Variants in SOX7 observed in about 807,000 individuals in gnomAD.
SOX7 encodes SRY-box transcription factor 7.
In SOX7, 19 loss-of-function variants were observed where a neutral mutation model predicts 24.9. The observed-to-expected ratio is 0.76, with a 90% CI of 0.53 to 1.12. The LOEUF (loss-of-function observed/expected upper bound fraction) is 1.12, where lower values mean the gene tolerates loss of function less well. Among genes scored for constraint, SOX7 ranks in the 50% most tolerant of loss-of-function variants. The pLI is 0.00. For missense variants in SOX7, 702 were observed against 535.0 expected (o/e 1.31, Z -3.08); for synonymous variants, 327 against 244.5 (o/e 1.34, Z -3.15).
In SOX7 at chr8:10,726,585, T is replaced by C. The variant is rs534943217; in HGVS notation, c.320A>G (p.Gln107Arg). ...EAERLRLQHM[Q>R]DYPNYKYRPR... The stretch of plus-strand genomic sequence containing the variant: ...CCGGTACTTGTAGTTGGGGTAGTCC[T>C]GCATGTGCTGCAGGCGCAGCCGCTC... Residue 107 changes from glutamine to arginine, a missense_variant, in exon 2 of 2, where the codon CAG (glutamine) becomes CGG (arginine). Gln to Arg is a conservative substitution (Grantham distance 43). Coordinates refer to ENST00000304501, the MANE Select transcript of SOX7 (RefSeq NM_031439.4). The C allele has an allele frequency of 2.5e-6, 4 of 1,610,434 alleles. No individual in the cohort carries two copies. In the East Asian group the frequency reaches 6.7e-5, roughly 27 times the overall value.
At position 10,725,265 on chromosome 8, in the gene SOX7, T is replaced by C. The variant is rs1800118097; in HGVS notation, c.*473A>G. 1 of 172,706 alleles carries C rather than the reference T, an allele frequency of 5.8e-6. No individual in the cohort carries two copies. Among genetic ancestry groups the C allele is most frequent in the Non-Finnish European group, 1.2e-5 (1 of 80,126 alleles). The allele number at this position is 172,706 out of a possible 1,614,324, so 10.7% of individuals were successfully genotyped here. A position where few individuals can be genotyped will look rare whatever the true frequency, so the allele number is the denominator to read the frequency against. On this transcript the variant is annotated 3_prime_UTR_variant, in exon 2 of 2. Transcript: ENST00000304501. ...GCAGAAAGTGCAGAAAGCCTCGTGG[T>C]CCTTGGGCTGTGCACACAAAATTAT...
Position 10,730,126 on chromosome 8 carries a change from C to A in SOX7, c.238+70G>T. On this transcript the variant is annotated intron_variant, in intron 1 of 1. Transcript: ENST00000304501. The surrounding 1 kb of genome is among the most constrained non-coding windows in gnomAD (Gnocchi z 4.8). Reference sequence around the variant, plus strand: ...TCCCCAGGCTCCGCGCTCGCACCCGCCCTGCAGTGCCGCCAGCCGCCCGCC... The same window carrying A: ...TCCCCAGGCTCCGCGCTCGCACCCGACCTGCAGTGCCGCCAGCCGCCCGCC... 1 of 1,209,414 alleles carries A rather than the reference C, an allele frequency of 8.3e-7. No individual in the cohort carries two copies. Among genetic ancestry groups the A allele is most frequent in the Non-Finnish European group, 1.1e-6 (1 of 936,004 alleles). 74.9% of individuals were successfully genotyped at this position (1,209,414 alleles called of 1,614,324 possible). A position where few individuals can be genotyped will look rare whatever the true frequency, so the allele number is the denominator to read the frequency against.
At chr8:10,726,859 T>A (rs1167317370) in intron 1 of SOX7, among the ~76,000 whole-genome samples, 193 bp from the exon 2 acceptor site, 2 of 152,096 alleles carry the variant, frequency 1.3e-5, no homozygotes, top group Non-Finnish European at 2.9e-5. Flanking sequence ...AATCAACCCC[T>A]CTGCTTGCAT....
At position 10,726,340 on chromosome 8, in the gene SOX7, C is replaced by A; in HGVS notation, c.565G>T (p.Gly189Cys). ...TACGTGTCCACACTGCTCGGGGTGC[C>A]GCCGCCGCCACCACCAGCCGGCCCC... ...HEGPAGGGGG[G>C]TPSSVDTYPY... Residue 189 changes from glycine (G) to cysteine (C), a missense_variant, in exon 2 of 2, where the codon GGC becomes TGC. By Grantham distance (159) the Gly-to-Cys change is radical (BLOSUM62 -3). Transcript: ENST00000304501. 1.9e-6 allele frequency: 3 copies of A among 1,612,102 alleles called. No homozygotes were observed. Among genetic ancestry groups the A allele is most frequent in the Non-Finnish European group, 2.5e-6 (3 of 1,179,526 alleles).
chr8:10,730,494 G>T lies in SOX7; in HGVS notation c.-61C>A, dbSNP rs1170285523. On this transcript the variant is annotated 5_prime_UTR_variant, in exon 1 of 2. Coordinates refer to ENST00000304501, the MANE Select transcript of SOX7 (RefSeq NM_031439.4). The surrounding 1 kb of genome is among the most constrained non-coding windows in gnomAD (Gnocchi z 4.8). ...GCAGGCGCGGACCTGGCCCTCGCAC[G>T]GGTCGGGGCGTCCAACTTGGCCCGC... is the stretch of plus-strand genomic sequence containing the variant. 3 of 1,220,402 alleles carry T rather than the reference G, an allele frequency of 2.5e-6. No individual in the cohort carries two copies. Among genetic ancestry groups the T allele is most frequent in the South Asian group, 1.9e-5 (1 of 51,548 alleles). 75.6% of individuals were successfully genotyped at this position (1,220,402 alleles called of 1,614,324 possible).
At chr8:10,727,251 C>A (rs150418219) in intron 1 of SOX7, among the ~76,000 whole-genome samples, 11 of 152,306 alleles carry the variant, frequency 7.2e-5, no homozygotes, top group African/African-American at 2.6e-4. Context: ...CTATTCCTTA[C>A]CTCTGAAGGT....
intron 1 of SOX7, among the ~76,000 whole-genome samples, chr8:10,727,111 G>A (rs536698536): frequency 6.6e-6 from 1 of 152,248 alleles, no homozygotes; most frequent in East Asian, 1.9e-4. Context: ...GATTAGTGCA[G>A]GCTAAAGAGA....
In SOX7 at chr8:10,730,253, T is replaced by G; in HGVS notation, c.181A>C (p.Lys61Gln). The change falls in exon 1 of 2, where the codon AAA becomes CAA. Residue 61 changes from lysine (K) to glutamine (Q), a missense_variant. Physicochemically the swap from Lys to Gln is moderately conservative, Grantham distance 53 (BLOSUM62 1). Coordinates refer to ENST00000304501, the MANE Select transcript of SOX7 (RefSeq NM_031439.4). The surrounding 1 kb of genome is among the most constrained non-coding windows in gnomAD (Gnocchi z 4.8). ...TCCGGGTTCTGCACTGCCAGCCGTT[T>G]CCTCTCGTCCTTGGCCCAAACCATG... ...AFMVWAKDERKRLAVQNPDLH... is the reference protein window; with the variant it reads ...AFMVWAKDERQRLAVQNPDLH... The G allele has an allele frequency of 6.3e-7, 1 of 1,576,146 alleles. No homozygotes were observed. The highest frequency in any genetic ancestry group is 8.6e-7 in the Non-Finnish European group (1 of 1,163,202).
In SOX7 at chr8:10,726,627, G is replaced by T; in HGVS notation, c.278C>A (p.Pro93Gln). The part of the protein sequence containing the change: ...WKALTLSQKR[P>Q]YVDEAERLRL... ...CAGCCGCTCCGCCTCGTCCACGTAC[G>T]GCCTCTTCTGGGACAGCGTCAGCGC... Residue 93 changes from proline (P) to glutamine (Q), a missense_variant, in exon 2 of 2, where the codon CCG (proline) becomes CAG (glutamine). Pro to Gln is a moderately conservative substitution (Grantham distance 76). Coordinates refer to ENST00000304501, the MANE Select transcript of SOX7 (RefSeq NM_031439.4). 1 of 1,599,548 alleles carries T rather than the reference G, an allele frequency of 6.3e-7. No homozygotes were observed.
intron 1 of SOX7, among the ~76,000 whole-genome samples, chr8:10,729,870 G>T (rs926083215): frequency 2.6e-5 from 4 of 152,040 alleles, no homozygotes; most frequent in African/African-American, 9.7e-5. Flanking sequence ...CATGCACGCC[G>T]GTCCCTGTCG....
intron 1 of SOX7, 57 bp from the exon 2 acceptor site, chr8:10,726,723 C>A: frequency 1.4e-6 from 2 of 1,471,234 alleles, no homozygotes; most frequent in Non-Finnish European, 1.8e-6. Flanking sequence ...AGGCATCGCA[C>A]ATGCACACGC....
chr8:10,726,993 T>C (rs537677980), intron 1 of SOX7, among the ~76,000 whole-genome samples: 1 of 152,326 alleles, frequency 6.6e-6, no homozygotes, highest in East Asian at 1.9e-4. Context: ...ATATGTCAGC[T>C]ACGGGAAGAA....
Position 10,730,110 on chromosome 8 carries a change from T to C in SOX7, c.238+86A>G, listed in dbSNP as rs1226780759. On this transcript the variant is annotated intron_variant, in intron 1 of 1. Transcript: ENST00000304501. This position sits in a 1 kb window ranked among gnomAD's most constrained non-coding sequence, Gnocchi z 4.8. ...CCCGCGTGCCGGGTCTTCCCCAGGC[T>C]CCGCGCTCGCACCCGCCCTGCAGTG... 4 of 1,041,192 alleles carry C rather than the reference T, an allele frequency of 3.8e-6. No homozygotes were observed. The highest frequency in any genetic ancestry group is 5.0e-6 in the Non-Finnish European group (4 of 800,686). The allele number at this position is 1,041,192 out of a possible 1,614,324, so 64.5% of individuals were successfully genotyped here.
rs920038411 is a variant in SOX7 at position 10,724,478 on chromosome 8, C to T, written c.*1260G>A. 1.3e-5 allele frequency: 2 copies of T among 152,154 alleles called. No individual in the cohort carries two copies. Among genetic ancestry groups the T allele is most frequent in the East Asian group, 1.9e-4 (1 of 5,192 alleles). 9.4% of individuals were successfully genotyped at this position (152,154 alleles called of 1,614,324 possible). A position where few individuals can be genotyped will look rare whatever the true frequency, so the allele number is the denominator to read the frequency against. On this transcript the variant is annotated 3_prime_UTR_variant, in exon 2 of 2. Coordinates refer to ENST00000304501, the MANE Select transcript of SOX7 (RefSeq NM_031439.4). ...AGAGAGTAAGGAAGCTGGAGACAGCCGGGAAGGAAGCACCTTTTGAATCTA... is the reference window on the plus strand; with the variant it reads ...AGAGAGTAAGGAAGCTGGAGACAGCTGGGAAGGAAGCACCTTTTGAATCTA...
Position 10,726,297 on chromosome 8 carries a change from G to C in SOX7, c.608C>G (p.Thr203Arg). The C allele has an allele frequency of 6.2e-7, 1 of 1,613,850 alleles. No individual in the cohort carries two copies. Among genetic ancestry groups the C allele is most frequent in the Non-Finnish European group, 8.5e-7 (1 of 1,179,968 alleles). The stretch of plus-strand genomic sequence containing the variant: ...GTCCAGGGGAGACATTTCAGGAGGT[G>C]TGGGCAGCCCGTACGGGTACGTGTC... ...SVDTYPYGLP[T>R]PPEMSPLDVL... Residue 203 changes from threonine to arginine, a missense_variant, in exon 2 of 2, where the codon ACA becomes AGA. By Grantham distance (71) the Thr-to-Arg change is moderately conservative (BLOSUM62 -1). Transcript: ENST00000304501.
Position 10,726,731 on chromosome 8 carries a change from C to T in SOX7, c.239-65G>A, listed in dbSNP as rs565093226. On this transcript the variant is annotated intron_variant, in intron 1 of 1. Coordinates refer to ENST00000304501, the MANE Select transcript of SOX7 (RefSeq NM_031439.4). ...GCCCCGCAGGCATCGCACATGCACA[C>T]GCGTGCACACACACGTGCACATGCA... The T allele has an allele frequency of 8.5e-6, 12 of 1,415,286 alleles. No individual in the cohort carries two copies. In the African/African-American group the frequency reaches 1.3e-4, roughly 15 times the overall value. The allele number at this position is 1,415,286 out of a possible 1,614,324, so 87.7% of individuals were successfully genotyped here. A position where few individuals can be genotyped will look rare whatever the true frequency, so the allele number is the denominator to read the frequency against.
rs373007010 is a variant in SOX7 at position 10,726,064 on chromosome 8, G to A, written c.841C>T (p.Pro281Ser). 21 of 1,565,226 alleles carry A rather than the reference G, an allele frequency of 1.3e-5. No individual in the cohort carries two copies. The highest frequency in any genetic ancestry group is 1.7e-5 in the Non-Finnish European group (20 of 1,154,968). ...MSPVPGCPPS[P>S]AYYSPATYHP... ...TAGGTGGCCGGGGAGTAATAGGCAG[G>A]AGATGGGGGACAGCCGGGTACAGGG... Residue 281 changes from proline (P) to serine (S), a missense_variant, in exon 2 of 2, where the codon CCT (proline) becomes TCT (serine). By Grantham distance (74) the Pro-to-Ser change is moderately conservative. Coordinates refer to ENST00000304501, the MANE Select transcript of SOX7 (RefSeq NM_031439.4).
At position 10,730,156 on chromosome 8, in the gene SOX7, G is replaced by A. The variant is rs767210512; in HGVS notation, c.238+40C>T. On this transcript the variant is annotated intron_variant, in intron 1 of 1. Transcript: ENST00000304501. This position sits in a 1 kb window ranked among gnomAD's most constrained non-coding sequence, Gnocchi z 4.8. ...CAGTGCCGCCAGCCGCCCGCCGCCC[G>A]CCCCCGGCCCCCAGCCCGCTCGGCC... The A allele has an allele frequency of 1.6e-6, 1 of 620,016 alleles. No individual in the cohort carries two copies. Among genetic ancestry groups the A allele is most frequent in the Non-Finnish European group, 2.4e-6 (1 of 415,870 alleles). 38.4% of individuals were successfully genotyped at this position (620,016 alleles called of 1,614,324 possible). A position where few individuals can be genotyped will look rare whatever the true frequency, so the allele number is the denominator to read the frequency against.
Position 10,726,391 on chromosome 8 carries a change from G to T in SOX7, c.514C>A (p.Pro172Thr), listed in dbSNP as rs754353940. 1.2e-6 allele frequency: 2 copies of T among 1,612,232 alleles called. No homozygotes were observed. Among genetic ancestry groups the T allele is most frequent in the Non-Finnish European group, 1.7e-6 (2 of 1,179,324 alleles). The change falls in exon 2 of 2, where the codon CCC (proline) becomes ACC (threonine). Residue 172 changes from proline (P) to threonine (T), a missense_variant. Coordinates refer to ENST00000304501, the MANE Select transcript of SOX7 (RefSeq NM_031439.4). ...TCGTGGTAGCAGCCCCGGAGGCTGGGCAGGGCAGTGCCGGGGGAGTACTCA... is the reference window on the plus strand; with the variant it reads ...TCGTGGTAGCAGCCCCGGAGGCTGGTCAGGGCAGTGCCGGGGGAGTACTCA... Reference protein sequence around the residue: ...RGEYSPGTALPSLRGCYHEGP... With the variant: ...RGEYSPGTALTSLRGCYHEGP...
Sources: allele counts gnomAD v4.1 joint callset (sites outside exome capture counted in the v4.1 genomes callset), GRCh38; gene constraint gnomAD v4.1.1; non-coding constraint Gnocchi (gnomAD v3.1); transcripts MANE v1.5; gene names NCBI Gene and HGNC (gene_info 2026-07-23, HGNC 2026-07-21).